The following PRR13 variants were observed in gnomAD, a reference collection of about 807,000 sequenced individuals.
PRR13 encodes proline-rich protein 13.
Under a neutral mutation model 11.5 loss-of-function variants are expected in PRR13, and 7 were observed. The ratio of observed to expected loss-of-function variants is 0.61; its 90% CI spans 0.34 to 1.14. PRR13 has a LOEUF of 1.14. Among genes scored for constraint, PRR13 ranks in the 50% most tolerant of loss-of-function variants. The probability of loss-of-function intolerance (pLI) is 0.03; values close to 1 mark genes in which losing one functional copy is unlikely to be tolerated. For missense variants in PRR13, 155 were observed against 194.4 expected, an observed-to-expected ratio of 0.80 and a Z score of 1.21; for synonymous variants, 53 against 67.8, an observed-to-expected ratio of 0.78 and a Z score of 1.07.
rs886590837 is a variant in PRR13, at chr12:53,446,125, A to G, written c.*66A>G. 6.8e-6 allele frequency: 11 copies of G among 1,608,070 alleles called. No homozygotes were observed. Among genetic ancestry groups the G allele is most frequent in the Admixed American group, 6.7e-5 (4 of 59,962 alleles). On this transcript the variant is annotated 3_prime_UTR_variant, in exon 4 of 4. Transcript: ENST00000429243. Reference sequence around the variant, plus strand: ...GCTCTCCCATCAAGCTTCAGATGCCATGTTGTACTGGGGGAATGTAGCCCT... The same window carrying G: ...GCTCTCCCATCAAGCTTCAGATGCCGTGTTGTACTGGGGGAATGTAGCCCT...
Position 53,443,707 on chromosome 12 carries a change from A to G in PRR13, c.336A>G (p.Lys112=), listed in dbSNP as rs1387748508. ...TAGTAGACAAGAAGATGCAGAAGAA[A>G]ATGAAGAAAGCTCATAAAAAGATGC... ...AVIVDKKMQK[K]MKKAHKKMHK... Residue 112 remains lysine (K), a synonymous_variant, in exon 3 of 4, where the codon AAA becomes AAG. Transcript: ENST00000429243. The G allele has an allele frequency of 2.5e-6, 4 of 1,614,174 alleles. No homozygotes were observed.
At chr12:53,442,783 T>C (rs768307615) in intron 2 of PRR13, 50 bp downstream of exon 2, 82 of 1,567,378 alleles carry the variant, frequency 5.2e-5, no homozygotes, top group Non-Finnish European at 6.9e-5. Flanking sequence ...TCTGATGGGC[T>C]CTATAACAGG....
Position 53,442,167 on chromosome 12 carries a change from G to A in PRR13, c.-21+375G>A, listed in dbSNP as rs1940303864. On this transcript the variant is annotated intron_variant, in intron 1 of 3. Coordinates refer to ENST00000429243, the MANE Select transcript of PRR13 (RefSeq NM_018457.4). ...TAGACGCTTCCACCTGGGTGGAGGG[G>A]CCCTGGGAACTAGATTCCTGTGTTA... 5.8e-5 allele frequency: 19 copies of A among 326,944 alleles called. No homozygotes were observed. The South Asian group carries it at 9.6e-4, about 17-fold the overall frequency. The allele number at this position is 326,944 out of a possible 1,614,324, so 20.3% of individuals were successfully genotyped here. A position where few individuals can be genotyped will look rare whatever the true frequency, so the allele number is the denominator to read the frequency against.
chr12:53,443,833 C>T, intron 3 of PRR13, 60 bp downstream of exon 3: 1 of 1,529,396 alleles, frequency 6.5e-7, no homozygotes, highest in African/African-American at 1.4e-5. Context: ...ACTAGGTAGG[C>T]AGGGGTTGGG....
At chr12:53,444,576 G>A (rs1592618211) in intron 3 of PRR13, among the ~76,000 whole-genome samples, 1 of 152,300 alleles carries the variant, frequency 6.6e-6, no homozygotes, top group East Asian at 1.9e-4. Flanking sequence ...TGATCCGCCC[G>A]CCTTGGCCTC....
chr12:53,443,088 C>T, intron 2 of PRR13: 1 of 366,768 alleles, frequency 2.7e-6, no homozygotes, highest in East Asian at 4.5e-5. Flanking sequence ...AACTCATGGC[C>T]TCATGAGATC....
At chr12:53,444,714 T>C (rs1240950820) in intron 3 of PRR13, among the ~76,000 whole-genome samples, 1 of 152,186 alleles carries the variant, frequency 6.6e-6, no homozygotes, top group Admixed American at 6.5e-5. Context: ...CCAGGTGCCA[T>C]GGCTCATGCC....
At chr12:53,442,917 TG>T in intron 2 of PRR13, 184 bp downstream of exon 2, 1 of 504,720 alleles carries the variant, frequency 2.0e-6, no homozygotes, top group Admixed American at 4.1e-5. Flanking sequence ...ATGGAGTCTC[TG>T]TTGCCCAGGC....
At chr12:53,443,121 T>C (rs1940328469) in intron 2 of PRR13, 2 of 400,348 alleles carry the variant, frequency 5.0e-6, no homozygotes, top group Admixed American at 4.2e-5. Context: ...CCTCCCAAAG[T>C]GCTGGGATTA....
intron 1 of PRR13, 144 bp downstream of exon 1, chr12:53,441,936 G>A (rs2136988533): frequency 1.5e-6 from 1 of 647,176 alleles, no homozygotes; most frequent in Non-Finnish European, 2.8e-6. Flanking sequence ...AAGTATTTGA[G>A]GTTCTTGGGC....
chr12:53,442,756 C>A, intron 2 of PRR13, 23 bp downstream of exon 2: 1 of 1,598,946 alleles, frequency 6.3e-7, no homozygotes, highest in South Asian at 1.1e-5. Context: ...GGGTTCTGTT[C>A]CACCCCTAAC....
At chr12:53,443,263 C>T in intron 2 of PRR13, 128 bp from the exon 3 acceptor site, 1 of 1,051,714 alleles carries the variant, frequency 9.5e-7, no homozygotes, top group Non-Finnish European at 1.3e-6. Context: ...CTCCCCTACC[C>T]TCCATTCTTC....
In PRR13 at chr12:53,443,767, T is replaced by A; in HGVS notation, c.396T>A (p.His132Gln). ...KHQKHHKYHK[H>Q]GKHSSSSSSS... The stretch of plus-strand genomic sequence containing the variant: ...AAAAGCACCACAAGTACCACAAGCA[T>A]GGCAAGGTCAGTACCCTCTGGAGAC... Residue 132 changes from histidine to glutamine, a missense_variant, in exon 3 of 4, where the codon CAT becomes CAA. Physicochemically the swap from His to Gln is conservative, Grantham distance 24. Coordinates refer to ENST00000429243, the MANE Select transcript of PRR13 (RefSeq NM_018457.4). The A allele has an allele frequency of 6.2e-7, 1 of 1,603,994 alleles. No individual in the cohort carries two copies. Among genetic ancestry groups the A allele is most frequent in the Non-Finnish European group, 8.5e-7 (1 of 1,174,946 alleles).
chr12:53,444,662 G>C (rs1032461746), intron 3 of PRR13, among the ~76,000 whole-genome samples: 1 of 152,216 alleles, frequency 6.6e-6, no homozygotes, highest in African/African-American at 2.4e-5. Context: ...CCAAGGCTAA[G>C]TATCTTTGTT....
intron 2 of PRR13, 128 bp downstream of exon 2, chr12:53,442,861 G>A (rs1186574341): frequency 2.6e-6 from 2 of 771,078 alleles, no homozygotes; most frequent in Non-Finnish European, 4.1e-6. Flanking sequence ...TTAGTCTAGA[G>A]CTGACCAGTG....
rs527857848 is a variant in PRR13 at position 53,441,785 on chromosome 12, G to A, written c.-28G>A. 1.3e-4 allele frequency: 91 copies of A among 702,358 alleles called. No homozygotes were observed. Among genetic ancestry groups the A allele is most frequent in the South Asian group, 9.0e-4 (61 of 67,600 alleles). The allele number at this position is 702,358 out of a possible 1,614,324, so 43.5% of individuals were successfully genotyped here. On this transcript the variant is annotated 5_prime_UTR_variant, in exon 1 of 4. It adds an upstream start codon to the 5' untranslated region. Coordinates refer to ENST00000429243, the MANE Select transcript of PRR13 (RefSeq NM_018457.4). ...GAGAACGCAGCAAGCCCAGGCGGCGGTGGAAAGGTGATGGGGTATCTGGAT... is the reference window on the plus strand; with the variant it reads ...GAGAACGCAGCAAGCCCAGGCGGCGATGGAAAGGTGATGGGGTATCTGGAT...
intron 2 of PRR13, 116 bp from the exon 3 acceptor site, chr12:53,443,275 T>TG: frequency 8.7e-7 from 1 of 1,143,350 alleles, no homozygotes; most frequent in East Asian, 2.8e-5. Context: ...CCATTCTTCT[T>TG]TGTCATCTTT....
At chr12:53,442,596 C>T (rs1940314800) in intron 1 of PRR13, 99 bp from the exon 2 acceptor site, 1 of 995,156 alleles carries the variant, frequency 1.0e-6, no homozygotes, top group Admixed American at 1.8e-5. Context: ...GGTAGGAGAG[C>T]CTACTGTGGG....
rs143408694 is a variant in PRR13 at position 53,443,674 on chromosome 12, A to C, written c.303A>C (p.Pro101=). The C allele has an allele frequency of 8.6e-4, 1,392 of 1,614,226 alleles. 6 individuals carry two copies. The highest frequency in any genetic ancestry group is 8.1e-4 in the Non-Finnish European group (960 of 1,180,052). Residue 101 remains proline, a synonymous_variant, in exon 3 of 4, where the codon CCA becomes CCC. Transcript: ENST00000429243. The part of the protein sequence containing the change: ...VNPLAPGMVG[P]AVIVDKKMQK... Reference sequence around the variant, plus strand: ...CCTTGGCTCCTGGCATGGTTGGACCAGCAGTGATAGTAGACAAGAAGATGC... The same window carrying C: ...CCTTGGCTCCTGGCATGGTTGGACCCGCAGTGATAGTAGACAAGAAGATGC...
Sources: allele counts gnomAD v4.1 joint callset (sites outside exome capture counted in the v4.1 genomes callset), GRCh38; gene constraint gnomAD v4.1.1; transcripts MANE v1.5; gene names NCBI Gene and HGNC (gene_info 2026-07-23, HGNC 2026-07-21).